DCLK1: variants seen among roughly 807,000 people sequenced by gnomAD.
The protein encoded by DCLK1 is doublecortin like kinase 1.
DCLK1 carries 16 observed loss-of-function variants against 86.2 expected under a neutral mutation model. That is an observed-to-expected ratio of 0.19 (90% CI 0.13 to 0.28). The LOEUF (loss-of-function observed/expected upper bound fraction) is 0.28. DCLK1 is among the 10% of genes least tolerant of loss of function. The pLI, the probability that DCLK1 is intolerant of heterozygous loss-of-function variation, is 1.00. For missense variants in DCLK1, 590 were observed against 940.2 expected, an observed-to-expected ratio of 0.63 and a Z score of 4.87; for synonymous variants, 369 against 370.5, an observed-to-expected ratio of 1.00 and a Z score of 0.05.
At chr13:36,127,068 G>A (rs985858085) in intron 1 of DCLK1, among the ~76,000 whole-genome samples, 2 of 152,158 alleles carry the variant, frequency 1.3e-5, no homozygotes, top group Non-Finnish European at 1.5e-5. Context: ...GCTATGGTGG[G>A]CTGGGACAGA....
At chr13:36,030,586 C>T (rs1430699542) in intron 3 of DCLK1, among the ~76,000 whole-genome samples, 3 of 151,386 alleles carry the variant, frequency 2.0e-5, no homozygotes, top group South Asian at 2.1e-4. Flanking sequence ...GGATTACAGG[C>T]GTGAGCCACC....
chr13:35,859,330 T>A (rs1438887396), intron 5 of DCLK1, among the ~76,000 whole-genome samples: 1 of 152,246 alleles, frequency 6.6e-6, no homozygotes, highest in Non-Finnish European at 1.5e-5. Flanking sequence ...TCTGTATAGG[T>A]ACATTTTCTT....
At chr13:35,952,936 C>G (rs181523436) in intron 3 of DCLK1, among the ~76,000 whole-genome samples, 2 of 152,258 alleles carry the variant, frequency 1.3e-5, no homozygotes, top group African/African-American at 2.4e-5. Flanking sequence ...GGGTTCTGAG[C>G]CCATATTGGC....
chr13:35,995,603 A>C (rs976040813), intron 3 of DCLK1, among the ~76,000 whole-genome samples: 2 of 152,234 alleles, frequency 1.3e-5, no homozygotes, highest in African/African-American at 2.4e-5. Flanking sequence ...TGATTAACAG[A>C]AAATTACCAT....
At chr13:35,788,647 G>T (rs1327453935) in intron 16 of DCLK1, among the ~76,000 whole-genome samples, 5 of 152,182 alleles carry the variant, frequency 3.3e-5, no homozygotes, top group Admixed American at 1.3e-4. Flanking sequence ...CCACTTAAGA[G>T]AAAGCAGATT....
chr13:35,980,120 A>C (rs1879559274), intron 3 of DCLK1, among the ~76,000 whole-genome samples: 1 of 152,202 alleles, frequency 6.6e-6, no homozygotes, highest in Admixed American at 6.5e-5. Context: ...GGTCTTCAAA[A>C]TTCTTTTCAT....
intron 15 of DCLK1, among the ~76,000 whole-genome samples, chr13:35,804,406 T>C: frequency 6.6e-6 from 1 of 151,852 alleles, no homozygotes; most frequent in African/African-American, 2.4e-5. Context: ...AGTACTGGGA[T>C]TACAGGCATG....
At chr13:35,932,351 T>C (rs1876496259) in intron 4 of DCLK1, among the ~76,000 whole-genome samples, 1 of 152,116 alleles carries the variant, frequency 6.6e-6, no homozygotes, top group Admixed American at 6.6e-5. Context: ...AAACCACAGG[T>C]TGTGGGACTT....
intron 3 of DCLK1, among the ~76,000 whole-genome samples, chr13:36,105,831 A>G (rs954871730): frequency 2.0e-5 from 3 of 152,166 alleles, no homozygotes; most frequent in Non-Finnish European, 4.4e-5. Context: ...TGCAGGGATA[A>G]CTGACTGACC....
rs539186548 is a variant in DCLK1, at chr13:35,960,325, C to T, written c.724-12868G>A. Among the ~76,000 whole-genome samples the T allele has an allele frequency of 2.0e-5, 3 of 152,192 alleles. No individual in the cohort carries two copies. The East Asian group carries it at 5.8e-4, about 29-fold the overall frequency. ...TTCCTTCTGGCCACATCTTCTCTGC[C>T]CAAATGTTAAAAAACCACCAGGGCC... On this transcript the variant is annotated intron_variant, in intron 3 of 16. Transcript: ENST00000360631.
chr13:36,051,230 A>G (rs1883112014), intron 3 of DCLK1, among the ~76,000 whole-genome samples: 1 of 152,162 alleles, frequency 6.6e-6, no homozygotes, highest in African/African-American at 2.4e-5. Flanking sequence ...TCATGTTTGC[A>G]TAATCTTTAA....
At chr13:35,824,470 G>A (rs935324332) in intron 10 of DCLK1, among the ~76,000 whole-genome samples, 7 of 152,142 alleles carry the variant, frequency 4.6e-5, no homozygotes. Context: ...GTGAGCCACT[G>A]CGTCTGGCTC....
At chr13:35,970,290 AC>A (rs1224915318) in intron 3 of DCLK1, among the ~76,000 whole-genome samples, 2 of 152,266 alleles carry the variant, frequency 1.3e-5, no homozygotes, top group East Asian at 3.9e-4. Context: ...CACATTTGAG[AC>A]CATTCACTTT....
chr13:36,070,644 A>ATTTT, intron 3 of DCLK1, among the ~76,000 whole-genome samples: 1 of 150,894 alleles, frequency 6.6e-6, no homozygotes, highest in African/African-American at 2.4e-5. Flanking sequence ...TTTTAACTTA[A>ATTTT]TTTTTTTTCT....
chr13:35,916,953 C>T (rs1875452961), intron 4 of DCLK1, among the ~76,000 whole-genome samples: 1 of 152,044 alleles, frequency 6.6e-6, no homozygotes, highest in South Asian at 2.1e-4. Context: ...GATCATAAGA[C>T]CCTCCCTCAC....
Position 36,021,726 on chromosome 13 carries a change from C to T in DCLK1, c.724-74269G>A, listed in dbSNP as rs1019994539. ...AATTAAGAAATATATAGGCACCTAACACTAGAACCCAAAACTACCTGAAGG... is the reference window on the plus strand; with the variant it reads ...AATTAAGAAATATATAGGCACCTAATACTAGAACCCAAAACTACCTGAAGG... On this transcript the variant is annotated intron_variant, in intron 3 of 16. Coordinates refer to ENST00000360631, the MANE Select transcript of DCLK1 (RefSeq NM_001330071.2). Among the ~76,000 whole-genome samples, 7 of 152,170 alleles carry T rather than the reference C, an allele frequency of 4.6e-5. 1 individual carries two copies. The highest frequency in any genetic ancestry group is 4.1e-4 in the South Asian group (2 of 4,828).
intron 4 of DCLK1, among the ~76,000 whole-genome samples, chr13:35,913,506 A>G (rs1279216005): frequency 6.6e-6 from 1 of 152,188 alleles, no homozygotes; most frequent in South Asian, 2.1e-4. Flanking sequence ...TTTTTGGTAC[A>G]TGTCTTTCTT....
chr13:35,897,540 T>C (rs975075618), intron 4 of DCLK1, among the ~76,000 whole-genome samples: 4 of 152,214 alleles, frequency 2.6e-5, no homozygotes, highest in Non-Finnish European at 5.9e-5. Context: ...AGTGGAGTCA[T>C]GATAAGCCAT....
intron 3 of DCLK1, among the ~76,000 whole-genome samples, chr13:35,982,190 G>T (rs1233650767): frequency 6.6e-6 from 1 of 151,780 alleles, no homozygotes; most frequent in East Asian, 1.9e-4. Context: ...TGAGGTCACA[G>T]CCCCCTGGGA....
Sources: allele counts gnomAD v4.1 joint callset (sites outside exome capture counted in the v4.1 genomes callset), GRCh38; gene constraint gnomAD v4.1.1; transcripts MANE v1.5; gene names NCBI Gene and HGNC (gene_info 2026-07-23, HGNC 2026-07-21).